CRTC1: variants seen among roughly 807,000 people sequenced by gnomAD.
CRTC1 encodes the protein CREB-regulated transcription coactivator 1.
Under a neutral mutation model 66.1 loss-of-function variants are expected in CRTC1, and 18 were observed. The observed-to-expected ratio is 0.27, with a 90% CI of 0.19 to 0.40. The LOEUF is 0.40. CRTC1 is among the 10% of genes least tolerant of loss of function. The pLI is 1.00. For missense variants in CRTC1, 669 were observed against 887.9 expected (o/e 0.75, Z 3.13); for synonymous variants, 416 against 398.8 (o/e 1.04, Z -0.51).
intron 1 of CRTC1, among the ~76,000 whole-genome samples, chr19:18,692,602 A>G (rs1470578828): frequency 1.9e-5 from 1 of 53,170 alleles, no homozygotes; most frequent in Non-Finnish European, 3.3e-5. Flanking sequence ...ACTCTGTCTC[A>G]AAAAAAAAAA....
intron 1 of CRTC1, among the ~76,000 whole-genome samples, chr19:18,693,505 A>G (rs1015118013): frequency 3.1e-4 from 44 of 144,140 alleles, no homozygotes; most frequent in Non-Finnish European, 6.3e-4. Flanking sequence ...TTTTTGAAAC[A>G]GAGTTTCTCT....
intron 4 of CRTC1, 34 bp downstream of exon 4, chr19:18,747,148 C>G (rs1248168800): frequency 8.9e-7 from 1 of 1,123,310 alleles, no homozygotes; most frequent in African/African-American, 1.6e-5. Flanking sequence ...CCGCCCCCTT[C>G]TTGTTGGAAA....
intron 1 of CRTC1, among the ~76,000 whole-genome samples, chr19:18,684,054 C>A (rs945221200): frequency 6.6e-6 from 1 of 151,618 alleles, no homozygotes; most frequent in East Asian, 1.9e-4. Context: ...GGTACAGGTG[C>A]CCTGCATCAC....
intron 5 of CRTC1, among the ~76,000 whole-genome samples, chr19:18,752,238 G>C (rs893655996): frequency 6.6e-6 from 1 of 152,072 alleles, no homozygotes; most frequent in African/African-American, 2.4e-5. Context: ...TCTGTAGCCT[G>C]ACGCCTCTGA....
Position 18,775,840 on chromosome 19 carries a change from C to T in CRTC1, c.1693+19C>T, listed in dbSNP as rs766953212. ...CTCACAGGTGAGGCCAGGCCGGGGGCGCGTGTGCGGCGCCCCAAGGGGCCT... is the reference window on the plus strand; with the variant it reads ...CTCACAGGTGAGGCCAGGCCGGGGGTGCGTGTGCGGCGCCCCAAGGGGCCT... On this transcript the variant is annotated intron_variant, in intron 13 of 13. Transcript: ENST00000321949. 1.9e-5 allele frequency: 30 copies of T among 1,551,928 alleles called. No individual in the cohort carries two copies. The highest frequency in any genetic ancestry group is 2.1e-5 in the Non-Finnish European group (24 of 1,152,250).
At chr19:18,731,845 G>T (rs1171832986) in intron 1 of CRTC1, among the ~76,000 whole-genome samples, 1 of 152,196 alleles carries the variant, frequency 6.6e-6, no homozygotes, top group East Asian at 1.9e-4. Context: ...GGTCACCTTT[G>T]TACCACAGAC....
chr19:18,764,235 A>G lies in CRTC1; in HGVS notation c.887-1169A>G, dbSNP rs2054678557. On this transcript the variant is annotated intron_variant, in intron 8 of 13. Transcript: ENST00000321949. ...CCGGAACAAGGTTAATCTGGTGCCC[A>G]GATCTCCTGGGGTGAGTCAGGCGGC... 1.3e-5 allele frequency among the ~76,000 whole-genome samples: 2 copies of G among 152,260 alleles called. 1 individual carries two copies. Among genetic ancestry groups the G allele is most frequent in the South Asian group, 4.1e-4 (2 of 4,838 alleles).
At chr19:18,717,888 C>T (rs1291229019) in intron 1 of CRTC1, among the ~76,000 whole-genome samples, 1 of 151,978 alleles carries the variant, frequency 6.6e-6, no homozygotes, top group African/African-American at 2.4e-5. Flanking sequence ...AGGCCTTTGA[C>T]AGCAGGAAGA....
chr19:18,725,656 GC>G (rs1234977498), intron 1 of CRTC1, among the ~76,000 whole-genome samples: 1 of 152,188 alleles, frequency 6.6e-6, no homozygotes, highest in African/African-American at 2.4e-5. Flanking sequence ...CTTGGCGCCA[GC>G]CCCTCCTCCC....
intron 1 of CRTC1, among the ~76,000 whole-genome samples, chr19:18,718,228 T>A (rs2053549955): frequency 6.6e-6 from 1 of 152,148 alleles, no homozygotes; most frequent in Admixed American, 6.5e-5. Flanking sequence ...TCTGAGCATT[T>A]CAGATCGATG....
intron 1 of CRTC1, among the ~76,000 whole-genome samples, chr19:18,704,567 C>G (rs766747492): frequency 7.2e-5 from 11 of 152,162 alleles, no homozygotes; most frequent in South Asian, 4.2e-4. Context: ...CAAAAATTAG[C>G]TGGGTGTGGT....
At chr19:18,758,492 G>A (rs909065652) in intron 6 of CRTC1, among the ~76,000 whole-genome samples, 7 of 152,086 alleles carry the variant, frequency 4.6e-5, no homozygotes, top group Admixed American at 2.0e-4. Flanking sequence ...TCCATGTCCC[G>A]AAAGTGTCCT....
intron 1 of CRTC1, among the ~76,000 whole-genome samples, chr19:18,736,323 G>A (rs1004170174): frequency 4.0e-5 from 6 of 150,342 alleles, no homozygotes; most frequent in Non-Finnish European, 5.9e-5. Flanking sequence ...GCGAATCCCC[G>A]GGGTCCTGGT....
intron 1 of CRTC1, among the ~76,000 whole-genome samples, chr19:18,733,386 A>G (rs2053931332): frequency 1.3e-5 from 2 of 152,208 alleles, no homozygotes; most frequent in South Asian, 4.1e-4. Flanking sequence ...AAGAGAAACA[A>G]AACGTGCTCA....
Position 18,778,056 on chromosome 19 carries a change from G to T in CRTC1, c.*674G>T, listed in dbSNP as rs371124989. The T allele has an allele frequency of 4.3e-6, 1 of 233,368 alleles. No homozygotes were observed. Among genetic ancestry groups the T allele is most frequent in the African/African-American group, 2.2e-5 (1 of 45,318 alleles). 14.5% of individuals were successfully genotyped at this position (233,368 alleles called of 1,614,324 possible). ...GGCGGACCCCCCCACGACCCTCCTC[G>T]CCCTGTCTCCATCCCCTCGAAGCCC... On this transcript the variant is annotated 3_prime_UTR_variant, in exon 14 of 14. Transcript: ENST00000321949.
At chr19:18,775,120 C>T in intron 12 of CRTC1, 134 bp downstream of exon 12, 2 of 858,556 alleles carry the variant, frequency 2.3e-6, no homozygotes, top group South Asian at 1.6e-5. Context: ...CAGCTTTGCC[C>T]CTCGGCCCCC....
intron 1 of CRTC1, among the ~76,000 whole-genome samples, chr19:18,713,063 T>C (rs1443067383): frequency 2.6e-5 from 4 of 152,130 alleles, no homozygotes; most frequent in East Asian, 1.9e-4. Flanking sequence ...TCTATGGATT[T>C]GCCTGTTCTG....
chr19:18,701,216 A>C (rs1290132340), intron 1 of CRTC1, among the ~76,000 whole-genome samples: 1 of 152,224 alleles, frequency 6.6e-6, no homozygotes, highest in Non-Finnish European at 1.5e-5. Context: ...CCGCCCCCAG[A>C]GCCCGGGGCT....
intron 1 of CRTC1, among the ~76,000 whole-genome samples, chr19:18,732,132 G>T (rs2053903769): frequency 6.6e-6 from 1 of 152,084 alleles, no homozygotes; most frequent in African/African-American, 2.4e-5. Context: ...AAAGACACAG[G>T]CAGGCGGCTT....
Sources: gnomAD v4.1 joint callset for allele counts (sites outside exome capture counted in the v4.1 genomes callset) on GRCh38, gnomAD v4.1.1 for gene constraint, MANE v1.5 for transcripts, NCBI Gene and HGNC (gene_info 2026-07-23, HGNC 2026-07-21) for gene names.